Variants in ACSF2 observed in about 807,000 individuals in gnomAD.
The protein encoded by ACSF2 is acyl-CoA synthetase family member 2, also known as medium-chain acyl-CoA ligase ACSF2, mitochondrial.
A neutral mutation model predicts 79.3 loss-of-function variants in ACSF2; 52 were observed. The observed-to-expected ratio is 0.66, with a 90% CI of 0.53 to 0.83. The LOEUF (loss-of-function observed/expected upper bound fraction) is 0.83, where lower values mean the gene tolerates loss of function less well. Ranked by LOEUF, ACSF2 falls within the 40% of genes least tolerant of loss-of-function variation. The pLI, the probability that ACSF2 is intolerant of heterozygous loss-of-function variation, is 0.00. For missense variants in ACSF2, 661 were observed against 803.3 expected (o/e 0.82, Z 2.14); for synonymous variants, 283 against 312.6 (o/e 0.91, Z 1.00).
Position 50,471,017 on chromosome 17 carries a change from G to C in ACSF2, c.1216-11G>C. On this transcript the variant is annotated splice_polypyrimidine_tract_variant and intron_variant, in intron 10 of 15. Coordinates refer to ENST00000300441, the MANE Select transcript of ACSF2 (RefSeq NM_025149.6). The surrounding 1 kb of genome is among the most constrained non-coding windows in gnomAD (Gnocchi z 4.1). ...TGAGCCCTCTTCAAACACCCTTTCT[G>C]GACCCTCTAGGTTGCTTATGGAACC... 1 of 1,610,218 alleles carries C rather than the reference G, an allele frequency of 6.2e-7. No homozygotes were observed. The highest frequency in any genetic ancestry group is 8.5e-7 in the Non-Finnish European group (1 of 1,176,552).
At chr17:50,473,014 G>C (rs2033189338) in intron 12 of ACSF2, 1 of 155,228 alleles carries the variant, frequency 6.4e-6, no homozygotes, top group East Asian at 1.9e-4. Flanking sequence ...TCAGCAGTTT[G>C]GGAGGCCGAG....
At position 50,474,633 on chromosome 17, in the gene ACSF2, C is replaced by T. The variant is rs1368114235; in HGVS notation, c.*81C>T. On this transcript the variant is annotated 3_prime_UTR_variant, in exon 16 of 16. Transcript: ENST00000300441. The surrounding 1 kb of genome is among the most constrained non-coding windows in gnomAD (Gnocchi z 4.2). ...AACCTGGCTTTATGCACCTAGATGT[C>T]CCCAGCACCCAGTTCTGAGCCAGGC... 10 of 1,379,804 alleles carry T rather than the reference C, an allele frequency of 7.2e-6. No homozygotes were observed. Among genetic ancestry groups the T allele is most frequent in the Non-Finnish European group, 9.3e-6 (9 of 971,730 alleles). 85.5% of individuals were successfully genotyped at this position (1,379,804 alleles called of 1,614,324 possible).
At chr17:50,447,783 G>A (rs1022916924) in intron 1 of ACSF2, among the ~76,000 whole-genome samples, 1 of 152,186 alleles carries the variant, frequency 6.6e-6, no homozygotes, top group Non-Finnish European at 1.5e-5. Context: ...TAGGATGAAA[G>A]CAAGCCTCTG....
In ACSF2 at chr17:50,473,974, G is replaced by T; in HGVS notation, c.1698G>T (p.Val566=). Residue 566 remains valine (V), a synonymous_variant, in exon 14 of 16, where the codon GTG becomes GTT. Coordinates refer to ENST00000300441, the MANE Select transcript of ACSF2 (RefSeq NM_025149.6). ...IRLKDGEETT[V]EEIKAFCKGK... ...TGAAGGACGGGGAGGAGACCACGGT[G>T]GAGGAGATAAAAGCTTTCTGCAAAG... 6.6e-7 allele frequency: 1 copy of T among 1,526,572 alleles called. No individual in the cohort carries two copies. The highest frequency in any genetic ancestry group is 1.3e-5 in the South Asian group (1 of 77,960). The allele number at this position is 1,526,572 out of a possible 1,614,324, so 94.6% of individuals were successfully genotyped here.
In ACSF2 at chr17:50,473,973, T is replaced by C. The variant is rs761769361; in HGVS notation, c.1697T>C (p.Val566Ala). 1.5e-5 allele frequency: 23 copies of C among 1,527,118 alleles called. No individual in the cohort carries two copies. Among genetic ancestry groups the C allele is most frequent in the Non-Finnish European group, 1.7e-5 (19 of 1,136,984 alleles). 94.6% of individuals were successfully genotyped at this position (1,527,118 alleles called of 1,614,324 possible). A position where few individuals can be genotyped will look rare whatever the true frequency, so the allele number is the denominator to read the frequency against. ...CTGAAGGACGGGGAGGAGACCACGG[T>C]GGAGGAGATAAAAGCTTTCTGCAAA... ...IRLKDGEETT[V>A]EEIKAFCKGK... Residue 566 changes from valine to alanine, a missense_variant, in exon 14 of 16, where the codon GTG (valine) becomes GCG (alanine). By Grantham distance (64) the Val-to-Ala change is moderately conservative. Transcript: ENST00000300441.
chr17:50,454,545 G>A (rs563469500), intron 1 of ACSF2, among the ~76,000 whole-genome samples: 10 of 151,838 alleles, frequency 6.6e-5, no homozygotes, highest in African/African-American at 2.2e-4. Flanking sequence ...TTCTTTTCCC[G>A]TCACAAGCAG....
At chr17:50,465,535 G>T in intron 10 of ACSF2, 1 of 1,509,862 alleles carries the variant, frequency 6.6e-7, no homozygotes, top group African/African-American at 1.4e-5. Context: ...TTGGCCACAG[G>T]ATAGTCTGAA....
At chr17:50,459,365 G>A (rs71381305) in intron 1 of ACSF2, among the ~76,000 whole-genome samples, 37,156 of 151,936 alleles carry the variant, frequency 0.24, 5,039 homozygotes, top group Middle Eastern at 0.31. Context: ...TTCAACCTCC[G>A]GAGTAGCTGG....
At chr17:50,465,582 C>A in intron 10 of ACSF2, 2 of 1,459,156 alleles carry the variant, frequency 1.4e-6, no homozygotes, top group East Asian at 2.3e-5. Flanking sequence ...GAAACTGAGG[C>A]TCCCAGGGTC....
chr17:50,427,075 A>G, intron 1 of ACSF2: 1 of 1,322,844 alleles, frequency 7.6e-7, no homozygotes, highest in African/African-American at 1.4e-5. Flanking sequence ...GCAGGCTGCC[A>G]CTCATGTTAT....
intron 10 of ACSF2, chr17:50,468,335 C>A: frequency 1.2e-6 from 2 of 1,614,174 alleles, no homozygotes; most frequent in Non-Finnish European, 1.7e-6. Flanking sequence ...GCGCAGCTCA[C>A]GGATCTTGTT....
chr17:50,469,712 G>A (rs2143791797), intron 10 of ACSF2, among the ~76,000 whole-genome samples: 2 of 152,272 alleles, frequency 1.3e-5, no homozygotes, highest in South Asian at 4.1e-4. Context: ...CAACCCTAGT[G>A]GTCAGGACCC....
chr17:50,461,929 TG>T (rs2032356933), intron 4 of ACSF2, among the ~76,000 whole-genome samples: 1 of 137,946 alleles, frequency 7.2e-6, no homozygotes. Context: ...AGGGCAGAGG[TG>T]TGTGTGTGTG....
chr17:50,459,480 C>T (rs1292241649), intron 1 of ACSF2, among the ~76,000 whole-genome samples: 6 of 152,174 alleles, frequency 3.9e-5, no homozygotes, highest in African/African-American at 1.4e-4. Context: ...TGGGCTCAAG[C>T]GATCCTCCTG....
In ACSF2 at chr17:50,442,410, G is replaced by T. The variant is rs574664721; in HGVS notation, c.128+16021G>T. Among the ~76,000 whole-genome samples, 3 of 144,288 alleles carry T rather than the reference G, an allele frequency of 2.1e-5. No homozygotes were observed. In the East Asian group the frequency reaches 6.1e-4, roughly 29 times the overall value. 94.7% of individuals were successfully genotyped at this position (144,288 alleles called of 152,430 possible). A position where few individuals can be genotyped will look rare whatever the true frequency, so the allele number is the denominator to read the frequency against. On this transcript the variant is annotated intron_variant, in intron 1 of 15. Coordinates refer to ENST00000300441, the MANE Select transcript of ACSF2 (RefSeq NM_025149.6). ...ACTCCTGGAATCAAGTGATCCTCCC[G>T]CCTTGGCCTCCAAAAGTGCTGGGAT...
intron 1 of ACSF2, among the ~76,000 whole-genome samples, chr17:50,447,229 A>G (rs186217551): frequency 5.3e-5 from 8 of 152,218 alleles, no homozygotes; most frequent in African/African-American, 1.9e-4. Flanking sequence ...ATATGGAATC[A>G]TAGTGTCTTG....
Position 50,473,728 on chromosome 17 carries a change from C to T in ACSF2, c.1539C>T (p.Ile513=). 3 of 1,614,214 alleles carry T rather than the reference C, an allele frequency of 1.9e-6. No homozygotes were observed. Among genetic ancestry groups the T allele is most frequent in the Non-Finnish European group, 2.5e-6 (3 of 1,180,042 alleles). The change falls in exon 13 of 16, where the codon ATC becomes ATT. Residue 513 remains isoleucine, a synonymous_variant. Coordinates refer to ENST00000300441, the MANE Select transcript of ACSF2 (RefSeq NM_025149.6). ...CKIVGRSKDM[I]IRGGENIYPA... ...TCGTGGGCCGCTCTAAGGATATGAT[C>T]ATCCGGGGTGGTGAGAACATCTACC...
At chr17:50,472,870 C>T (rs2033183959) in intron 12 of ACSF2, 4 of 271,228 alleles carry the variant, frequency 1.5e-5, no homozygotes, top group South Asian at 9.5e-5. Flanking sequence ...GTGCTAGCAC[C>T]GTTCTCGCCG....
At chr17:50,442,945 C>G (rs2031039876) in intron 1 of ACSF2, among the ~76,000 whole-genome samples, 1 of 150,646 alleles carries the variant, frequency 6.6e-6, no homozygotes. Context: ...GAGTCTCACT[C>G]TGTTCCCAGA....
Sources: allele counts gnomAD v4.1 joint callset (sites outside exome capture counted in the v4.1 genomes callset), GRCh38; gene constraint gnomAD v4.1.1; non-coding constraint Gnocchi (gnomAD v3.1); transcripts MANE v1.5; gene names NCBI Gene and HGNC (gene_info 2026-07-23, HGNC 2026-07-21).